The following TANGO6 variants were observed in gnomAD, a reference collection of about 807,000 sequenced individuals.
The protein encoded by TANGO6 is transport and golgi organization 6 homolog.
TANGO6 carries 90 observed loss-of-function variants against 114.2 expected under a neutral mutation model. The ratio of observed to expected loss-of-function variants is 0.79; its 90% confidence interval spans 0.66 to 0.94. The LOEUF (loss-of-function observed/expected upper bound fraction) is 0.94, where lower values mean the gene tolerates loss of function less well. Among genes scored for constraint, TANGO6 ranks in the 40% least tolerant of loss-of-function variants. The pLI is 0.00. For missense variants in TANGO6, 1,274 were observed against 1,315.3 expected, an observed-to-expected ratio of 0.97 and a Z score of 0.49; for synonymous variants, 477 against 509.8, an observed-to-expected ratio of 0.94 and a Z score of 0.87.
chr16:68,960,297 CTTTTTTT>C lies in TANGO6; in HGVS notation c.2702-13720_2702-13714del, dbSNP rs201075757. Among the ~76,000 whole-genome samples the C allele has an allele frequency of 3.0e-5, 4 of 134,764 alleles. 1 individual carries two copies. The highest frequency in any genetic ancestry group is 1.1e-4 in the African/African-American group (4 of 36,126). The allele number at this position is 134,764 out of a possible 152,430, so 88.4% of individuals were successfully genotyped here. ...ATGCCTTCAGTCAGTATTAGGGCAG[CTTTTTTT>C]TTTTTTTTTTCTGTACGTACTCCAG... is the stretch of plus-strand genomic sequence containing the variant. On this transcript the variant is annotated intron_variant, in intron 14 of 17. Coordinates refer to ENST00000261778, the MANE Select transcript of TANGO6 (RefSeq NM_024562.2).
chr16:68,849,586 G>A (rs1409359016), intron 1 of TANGO6, among the ~76,000 whole-genome samples: 3 of 151,682 alleles, frequency 2.0e-5, no homozygotes, highest in East Asian at 3.9e-4. Flanking sequence ...GCTGAGCCCC[G>A]GAGTTTGAGG....
rs191583357 is a variant in TANGO6, at chr16:68,906,614, T to C, written c.1668-829T>C. Among the ~76,000 whole-genome samples, 31 of 152,134 alleles carry C rather than the reference T, an allele frequency of 2.0e-4. 1 individual carries two copies. Among genetic ancestry groups the C allele is most frequent in the Admixed American group, 2.0e-3 (30 of 15,258 alleles). ...AAATGAGATCTTGCCATGTTGTCTATGTTACTTGAGTTCAGTGGCTATTCA... is the reference window on the plus strand; with the variant it reads ...AAATGAGATCTTGCCATGTTGTCTACGTTACTTGAGTTCAGTGGCTATTCA... On this transcript the variant is annotated intron_variant, in intron 9 of 17. Coordinates refer to ENST00000261778, the MANE Select transcript of TANGO6 (RefSeq NM_024562.2).
chr16:69,070,647 C>CA (rs947984107), intron 17 of TANGO6, among the ~76,000 whole-genome samples: 1 of 140,568 alleles, frequency 7.1e-6, no homozygotes, highest in Non-Finnish European at 1.6e-5. Flanking sequence ...AAAAAAAAAA[C>CA]AAAAAAACAC....
At chr16:68,959,036 G>A (rs957723530) in intron 14 of TANGO6, among the ~76,000 whole-genome samples, 2 of 151,962 alleles carry the variant, frequency 1.3e-5, no homozygotes, top group Non-Finnish European at 2.9e-5. Context: ...AACCCTACAG[G>A]GTGCCTGATT....
intron 2 of TANGO6, 115 bp from the exon 3 acceptor site, chr16:68,862,830 T>G (rs1274524884): frequency 4.1e-6 from 3 of 737,962 alleles, no homozygotes; most frequent in African/African-American, 1.7e-5. Flanking sequence ...CAAGAGAGGA[T>G]AGAAGCCTTC....
chr16:68,998,705 T>C lies in TANGO6; in HGVS notation c.2843-24123T>C, dbSNP rs1964014478. Among the ~76,000 whole-genome samples the C allele has an allele frequency of 2.1e-5, 3 of 146,252 alleles. No individual in the cohort carries two copies. The South Asian group carries it at 6.7e-4, about 33-fold the overall frequency. ...AAGATTGCGCCACTGCGCTCCAGCC[T>C]GGGTGACAGAGTGAGACTCCATCTC... On this transcript the variant is annotated intron_variant, in intron 15 of 17. Coordinates refer to ENST00000261778, the MANE Select transcript of TANGO6 (RefSeq NM_024562.2).
intron 11 of TANGO6, among the ~76,000 whole-genome samples, chr16:68,910,001 T>C (rs566708776): frequency 6.6e-6 from 1 of 152,344 alleles, no homozygotes; most frequent in Admixed American, 6.5e-5. Context: ...AGTGTCTGAA[T>C]TGTATTGGCT....
chr16:68,877,316 A>G (rs1310055313), intron 5 of TANGO6, among the ~76,000 whole-genome samples: 1 of 151,722 alleles, frequency 6.6e-6, no homozygotes, highest in Non-Finnish European at 1.5e-5. Context: ...AAAAATACAA[A>G]AATTAGCTGG....
intron 15 of TANGO6, 25 bp downstream of exon 15, chr16:68,974,193 T>G: frequency 1.2e-6 from 2 of 1,613,492 alleles, no homozygotes; most frequent in Non-Finnish European, 1.7e-6. Flanking sequence ...TCCATCCACC[T>G]GGAAAAGGGT....
At chr16:68,971,002 A>C (rs980302911) in intron 14 of TANGO6, among the ~76,000 whole-genome samples, 5 of 151,822 alleles carry the variant, frequency 3.3e-5, no homozygotes, top group African/African-American at 1.2e-4. Context: ...AAAATACAAA[A>C]ATTAGCCAGG....
chr16:69,063,625 G>A (rs1384285587), intron 17 of TANGO6, among the ~76,000 whole-genome samples: 1 of 136,838 alleles, frequency 7.3e-6, no homozygotes, highest in Non-Finnish European at 1.5e-5. Context: ...GGCAAAGGCT[G>A]CGGTGAGACT....
intron 14 of TANGO6, among the ~76,000 whole-genome samples, chr16:68,964,140 A>T (rs965352752): frequency 4.6e-5 from 7 of 152,218 alleles, no homozygotes; most frequent in African/African-American, 1.7e-4. Context: ...TATTTATATC[A>T]TTCAAAATTC....
chr16:69,049,313 T>C (rs1959910124), intron 17 of TANGO6, among the ~76,000 whole-genome samples: 1 of 152,168 alleles, frequency 6.6e-6, no homozygotes, highest in Admixed American at 6.6e-5. Flanking sequence ...TTGCCTATTC[T>C]AGACATTTCA....
intron 17 of TANGO6, among the ~76,000 whole-genome samples, chr16:69,043,298 GTGTGT>G (rs1567564507): frequency 6.8e-6 from 1 of 147,692 alleles, no homozygotes; most frequent in Non-Finnish European, 1.5e-5. Flanking sequence ...GTGTGTGTGT[GTGTGT>G]GTGTGTGTGT....
At chr16:68,951,612 C>CTTT (rs869222437) in intron 14 of TANGO6, among the ~76,000 whole-genome samples, 3 of 133,494 alleles carry the variant, frequency 2.2e-5, no homozygotes, top group Non-Finnish European at 3.2e-5. Flanking sequence ...GGCCTCTGTT[C>CTTT]TTTTTTTTTT....
intron 14 of TANGO6, chr16:68,937,273 G>A (rs1368377527): frequency 2.0e-5 from 3 of 152,134 alleles, no homozygotes; most frequent in Non-Finnish European, 4.4e-5. Context: ...ATCCTGACCT[G>A]GTTTCTGTAC....
intron 15 of TANGO6, among the ~76,000 whole-genome samples, chr16:68,990,908 G>T (rs1963940685): frequency 6.6e-6 from 1 of 152,188 alleles, no homozygotes; most frequent in Non-Finnish European, 1.5e-5. Context: ...CGGTCACTCT[G>T]TGAAGGATGA....
chr16:68,878,947 G>C (rs1962413496), intron 6 of TANGO6, among the ~76,000 whole-genome samples: 1 of 151,934 alleles, frequency 6.6e-6, no homozygotes, highest in African/African-American at 2.4e-5. Context: ...ATGGTGGCAA[G>C]CACCTGTAGC....
chr16:68,856,107 G>A (rs1026473353), intron 1 of TANGO6, among the ~76,000 whole-genome samples: 1 of 151,992 alleles, frequency 6.6e-6, no homozygotes, highest in Non-Finnish European at 1.5e-5. Flanking sequence ...TTCTGCTCTT[G>A]TATGTCTTTT....
Sources: gnomAD v4.1 joint callset for allele counts (sites outside exome capture counted in the v4.1 genomes callset) on GRCh38, gnomAD v4.1.1 for gene constraint, MANE v1.5 for transcripts, NCBI Gene and HGNC (gene_info 2026-07-23, HGNC 2026-07-21) for gene names.